Variants in REDIC1 observed in about 807,000 individuals in gnomAD.
The protein encoded by REDIC1 is regulator of DNA class I crossover intermediates 1.
chr12:39,653,585 C>T, the REDIC1 span, among the ~76,000 whole-genome samples: 195 of 75,076 alleles, frequency 2.6e-3, 31 homozygotes, highest in African/African-American at 4.1e-3. Flanking sequence ...TCTTCCTCTT[C>T]TTCTTCCTCT....
the REDIC1 span, among the ~76,000 whole-genome samples, chr12:39,737,691 C>T: frequency 1.3e-5 from 2 of 152,288 alleles, no homozygotes; most frequent in East Asian, 1.9e-4. Context: ...GTATTTCAAC[C>T]AAAAGTCTGT....
At chr12:39,768,862 G>T in the REDIC1 span, among the ~76,000 whole-genome samples, 2 of 152,058 alleles carry the variant, frequency 1.3e-5, no homozygotes, top group Non-Finnish European at 2.9e-5. Flanking sequence ...TTGATGCAGG[G>T]CTGCCAGAAA....
the REDIC1 span, among the ~76,000 whole-genome samples, chr12:39,765,233 T>C: frequency 6.6e-6 from 1 of 152,102 alleles, no homozygotes; most frequent in Non-Finnish European, 1.5e-5. Context: ...CAGATACTTT[T>C]CATCTGATAA....
the REDIC1 span, among the ~76,000 whole-genome samples, chr12:39,722,966 T>C: frequency 2.0e-5 from 3 of 152,112 alleles, no homozygotes; most frequent in Non-Finnish European, 4.4e-5. Flanking sequence ...AATAACAGCT[T>C]GCCTTCCTAA....
chr12:39,713,297 TAC>T, the REDIC1 span, among the ~76,000 whole-genome samples: 5 of 28,762 alleles, frequency 1.7e-4, no homozygotes, highest in South Asian at 2.1e-3. Flanking sequence ...TATATATGTG[TAC>T]ACACACATAC....
chr12:39,644,113 TTGTGTA>T, the REDIC1 span, among the ~76,000 whole-genome samples: 1 of 151,856 alleles, frequency 6.6e-6, no homozygotes, highest in South Asian at 2.1e-4. Flanking sequence ...TATTTTTATT[TTGTGTA>T]TGTGTTATAT....
At chr12:39,862,526 A>T in the REDIC1 span, among the ~76,000 whole-genome samples, 1 of 152,246 alleles carries the variant, frequency 6.6e-6, no homozygotes, top group Non-Finnish European at 1.5e-5. Context: ...ATATGATGTT[A>T]CTAAGATATT....
the REDIC1 span, among the ~76,000 whole-genome samples, chr12:39,630,528 A>G: frequency 3.9e-5 from 6 of 152,332 alleles, no homozygotes; most frequent in Admixed American, 1.3e-4. Context: ...AGTACAAAGT[A>G]ACTGAAATTT....
the REDIC1 span, among the ~76,000 whole-genome samples, chr12:39,731,544 C>T: frequency 2.4e-4 from 36 of 152,270 alleles, no homozygotes; most frequent in East Asian, 5.8e-4. Context: ...GAGGGGCACC[C>T]GCCAGATGCC....
the REDIC1 span, chr12:39,864,902 A>G: frequency 1.2e-5 from 19 of 1,600,598 alleles, no homozygotes; most frequent in Admixed American, 1.7e-5. Flanking sequence ...AAAAAGTTTT[A>G]TATTAGAGAA....
chr12:39,702,970 C>G, the REDIC1 span, among the ~76,000 whole-genome samples: 1 of 152,154 alleles, frequency 6.6e-6, no homozygotes, highest in Admixed American at 6.5e-5. Context: ...AACCCACAGC[C>G]AGTATCATAC....
At chr12:39,689,603 T>C in the REDIC1 span, among the ~76,000 whole-genome samples, 2 of 152,034 alleles carry the variant, frequency 1.3e-5, no homozygotes, top group African/African-American at 4.8e-5. Context: ...GAACAAAAAT[T>C]GTCAAATTCC....
At chr12:39,749,344 C>T in the REDIC1 span, among the ~76,000 whole-genome samples, 1 of 152,186 alleles carries the variant, frequency 6.6e-6, no homozygotes, top group Non-Finnish European at 1.5e-5. Context: ...TTCCTCGACA[C>T]ATACACCCTC....
the REDIC1 span, among the ~76,000 whole-genome samples, chr12:39,672,520 T>C: frequency 6.6e-5 from 10 of 152,120 alleles, no homozygotes; most frequent in Non-Finnish European, 1.5e-4. Flanking sequence ...GGGGAGAACC[T>C]ATCTTCAGCG....
the REDIC1 span, among the ~76,000 whole-genome samples, chr12:39,782,161 T>C: frequency 6.6e-6 from 1 of 152,220 alleles, no homozygotes; most frequent in Non-Finnish European, 1.5e-5. Context: ...AGTCTTGCTA[T>C]GCTTTTATTA....
At chr12:39,746,215 G>GA in the REDIC1 span, among the ~76,000 whole-genome samples, 7 of 152,108 alleles carry the variant, frequency 4.6e-5, no homozygotes, top group African/African-American at 7.2e-5. Flanking sequence ...ACGGCACCTG[G>GA]AAAATCAGGT....
At chr12:39,633,090 T>C in the REDIC1 span, among the ~76,000 whole-genome samples, 2 of 151,872 alleles carry the variant, frequency 1.3e-5, no homozygotes, top group Non-Finnish European at 2.9e-5. Flanking sequence ...AATTTTATTA[T>C]TATTATATTT....
chr12:39,856,849 A>T, the REDIC1 span, among the ~76,000 whole-genome samples: 1 of 152,350 alleles, frequency 6.6e-6, no homozygotes, highest in South Asian at 2.1e-4. Flanking sequence ...GTTTCATACA[A>T]ACTTAATTAA....
At chr12:39,738,188 G>C in the REDIC1 span, among the ~76,000 whole-genome samples, 1 of 152,124 alleles carries the variant, frequency 6.6e-6, no homozygotes, top group South Asian at 2.1e-4. Context: ...AAATGCTTTT[G>C]CTCTGTTAAG....
Sources: allele counts gnomAD v4.1 joint callset (sites outside exome capture counted in the v4.1 genomes callset), GRCh38; gene constraint gnomAD v4.1.1; transcripts MANE v1.5; gene names NCBI Gene and HGNC (gene_info 2026-07-23, HGNC 2026-07-21).